Variants in CHN1 observed in about 807,000 individuals in gnomAD.
CHN1 encodes the protein N-chimaerin.
In CHN1, 37 loss-of-function variants were observed where a neutral mutation model predicts 59.5. The observed-to-expected ratio is 0.62, with a 90% CI of 0.48 to 0.82. The LOEUF (loss-of-function observed/expected upper bound fraction) is 0.82. Ranked by LOEUF, CHN1 falls within the 40% of genes least tolerant of loss-of-function variation. The pLI, the probability that CHN1 is intolerant of heterozygous loss-of-function variation, is 0.00. For synonymous variants in CHN1, 206 were observed against 200.4 expected, an observed-to-expected ratio of 1.03 and a Z score of -0.24; for missense variants, 469 against 571.0, an observed-to-expected ratio of 0.82 and a Z score of 1.82.
chr2:174,867,695 T>TA (rs1687268717), intron 6 of CHN1, among the ~76,000 whole-genome samples: 1 of 152,126 alleles, frequency 6.6e-6, no homozygotes. Context: ...TATAAAGTAA[T>TA]ATAATATAGA....
chr2:174,944,776 C>T (rs372045645), intron 3 of CHN1, 112 bp downstream of exon 3: 9 of 638,856 alleles, frequency 1.4e-5, no homozygotes, highest in African/African-American at 3.7e-5. Flanking sequence ...TTTATCATAT[C>T]GATTAGTGTT....
chr2:174,809,802 C>G (rs919318191), intron 10 of CHN1, among the ~76,000 whole-genome samples: 1 of 152,224 alleles, frequency 6.6e-6, no homozygotes, highest in South Asian at 2.1e-4. Context: ...TTGCCTCCAG[C>G]AGACTAGGAT....
chr2:174,962,206 A>T (rs1690433823), intron 1 of CHN1, among the ~76,000 whole-genome samples: 1 of 151,990 alleles, frequency 6.6e-6, no homozygotes, highest in African/African-American at 2.4e-5. Context: ...AATCGCTTGA[A>T]CCTGGGAGGC....
intron 6 of CHN1, among the ~76,000 whole-genome samples, chr2:174,874,774 A>G (rs1687511143): frequency 6.6e-6 from 1 of 152,128 alleles, no homozygotes; most frequent in Non-Finnish European, 1.5e-5. Flanking sequence ...TCAAATAAGT[A>G]TGAGAGCACT....
intron 6 of CHN1, among the ~76,000 whole-genome samples, chr2:174,867,078 A>C (rs560695836): frequency 1.4e-5 from 2 of 147,566 alleles, no homozygotes; most frequent in East Asian, 3.9e-4. Context: ...TTTTTTTTTT[A>C]AAGATTACTT....
At chr2:174,903,396 C>T (rs941422926) in intron 5 of CHN1, among the ~76,000 whole-genome samples, 1 of 152,166 alleles carries the variant, frequency 6.6e-6, no homozygotes, top group African/African-American at 2.4e-5. Context: ...CAGTTAGCCA[C>T]TCCTTAATGA....
rs371299944 is a variant in CHN1, at chr2:174,809,000, A to G, written c.1007T>C (p.Ile336Thr). Residue 336 changes from isoleucine (I) to threonine (T), a missense_variant, in exon 11 of 13, where the codon ATC (isoleucine) becomes ACC (threonine). Transcript: ENST00000409900. ...TTTAAGTGCACCAGTGATAATGTTG[A>G]TATCTTCATACATGTTCACAGAAAT... The part of the protein sequence containing the change: ...ADISVNMYED[I>T]NIITGALKLY... 19 of 1,613,358 alleles carry G rather than the reference A, an allele frequency of 1.2e-5. No homozygotes were observed. The highest frequency in any genetic ancestry group is 1.6e-5 in the Non-Finnish European group (19 of 1,179,480).
chr2:174,955,219 C>CTA (rs113495054), intron 1 of CHN1, among the ~76,000 whole-genome samples: 9 of 41,138 alleles, frequency 2.2e-4, no homozygotes, highest in African/African-American at 9.3e-4. Flanking sequence ...ATATATATAT[C>CTA]TATATAGATA....
chr2:174,999,798 C>T (rs774326785), intron 1 of CHN1, among the ~76,000 whole-genome samples: 6 of 151,878 alleles, frequency 4.0e-5, no homozygotes, highest in African/African-American at 7.3e-5. Flanking sequence ...CCTAAAAGGC[C>T]GGGAGAGGGA....
intron 5 of CHN1, among the ~76,000 whole-genome samples, chr2:174,905,796 G>C (rs1178507557): frequency 6.6e-6 from 1 of 152,082 alleles, no homozygotes. Context: ...CTGACCTCGT[G>C]ATCTACCCGC....
intron 6 of CHN1, among the ~76,000 whole-genome samples, chr2:174,861,758 T>C (rs1687076002): frequency 6.6e-6 from 1 of 152,162 alleles, no homozygotes; most frequent in Non-Finnish European, 1.5e-5. Context: ...TTGAAAACAA[T>C]TGTTGTGCTG....
At chr2:174,911,080 C>A (rs960095325) in intron 5 of CHN1, among the ~76,000 whole-genome samples, 1 of 151,968 alleles carries the variant, frequency 6.6e-6, no homozygotes, top group African/African-American at 2.4e-5. Flanking sequence ...AAAAACTCAA[C>A]GAATGGGTCT....
At chr2:174,969,111 C>T (rs1287838986) in intron 1 of CHN1, among the ~76,000 whole-genome samples, 4 of 152,150 alleles carry the variant, frequency 2.6e-5, no homozygotes, top group Admixed American at 2.6e-4. Context: ...CAGCACAAAT[C>T]TGTCCCAAGG....
intron 1 of CHN1, among the ~76,000 whole-genome samples, chr2:174,979,663 A>G (rs574896897): frequency 6.6e-6 from 1 of 152,218 alleles, no homozygotes; most frequent in East Asian, 1.9e-4. Context: ...CGGGTGGATC[A>G]TGAGGTCAAG....
intron 7 of CHN1, among the ~76,000 whole-genome samples, chr2:174,844,094 A>C (rs373391432): frequency 9.2e-5 from 14 of 152,142 alleles, no homozygotes; most frequent in African/African-American, 3.4e-4. Context: ...ATAGTGTAAT[A>C]GTTTTTAGAG....
chr2:174,928,214 T>TG (rs1273483741), intron 3 of CHN1, among the ~76,000 whole-genome samples: 1 of 152,212 alleles, frequency 6.6e-6, no homozygotes, highest in African/African-American at 2.4e-5. Context: ...CAGAAGCCAC[T>TG]GCCACTGCCT....
intron 1 of CHN1, among the ~76,000 whole-genome samples, chr2:174,992,925 G>A (rs537684089): frequency 3.9e-5 from 6 of 152,216 alleles, no homozygotes; most frequent in African/African-American, 1.2e-4. Context: ...CAAATAGCTG[G>A]AACTACAAGT....
chr2:174,840,759 A>G (rs184985352), intron 7 of CHN1, among the ~76,000 whole-genome samples: 29 of 152,270 alleles, frequency 1.9e-4, no homozygotes, highest in African/African-American at 7.0e-4. Flanking sequence ...TTGAGTTAGT[A>G]TGTTCAACAG....
chr2:174,872,935 T>G (rs1687454992), intron 6 of CHN1, among the ~76,000 whole-genome samples: 1 of 152,164 alleles, frequency 6.6e-6, no homozygotes, highest in Admixed American at 6.5e-5. Context: ...AGTAATGGTA[T>G]CCATAATCCC....
Sources: allele counts gnomAD v4.1 joint callset (sites outside exome capture counted in the v4.1 genomes callset), GRCh38; gene constraint gnomAD v4.1.1; transcripts MANE v1.5; gene names NCBI Gene and HGNC (gene_info 2026-07-23, HGNC 2026-07-21).